The following WDFY3 variants were observed in gnomAD, a reference collection of about 807,000 sequenced individuals.
WDFY3 encodes the protein WD repeat and FYVE domain containing 3.
WDFY3 carries 66 observed loss-of-function variants against 409.6 expected under a neutral mutation model. The observed-to-expected ratio is 0.16, with a 90% CI of 0.13 to 0.20. The LOEUF (loss-of-function observed/expected upper bound fraction) is 0.20. Ranked by LOEUF, WDFY3 falls within the 10% of genes least tolerant of loss-of-function variation. WDFY3 has a pLI of 1.00. For synonymous variants in WDFY3, 1,521 were observed against 1,537.1 expected (o/e 0.99, Z 0.25); for missense variants, 3,031 against 4,298.1 (o/e 0.71, Z 8.24).
Position 84,785,502 on chromosome 4 carries a change from A to G in WDFY3, c.4062+477T>C, listed in dbSNP as rs147706043. Reference sequence around the variant, plus strand: ...CCCCTTCCCTGCTTTATTTTACTGCATAGCACCATCACCTTCTAACATACT... The same window carrying G: ...CCCCTTCCCTGCTTTATTTTACTGCGTAGCACCATCACCTTCTAACATACT... On this transcript the variant is annotated intron_variant, in intron 24 of 67. Coordinates refer to ENST00000295888, the MANE Select transcript of WDFY3 (RefSeq NM_014991.6). Among the ~76,000 whole-genome samples the G allele has an allele frequency of 4.4e-3, 668 of 152,252 alleles. 5 individuals are homozygous for G. The highest frequency in any genetic ancestry group is 0.015 in the African/African-American group (626 of 41,548).
At chr4:84,903,042 C>A (rs986805424) in intron 2 of WDFY3, among the ~76,000 whole-genome samples, 1 of 152,064 alleles carries the variant, frequency 6.6e-6, no homozygotes. Context: ...GTGCTAAAAT[C>A]AAATCACGAA....
chr4:84,676,219 GA>G (rs1005003104), intron 67 of WDFY3, among the ~76,000 whole-genome samples: 1 of 149,894 alleles, frequency 6.7e-6, no homozygotes, highest in Non-Finnish European at 1.5e-5. Flanking sequence ...ACTCCTCAAG[GA>G]AAAAAAAAGG....
chr4:84,705,295 T>G, intron 54 of WDFY3, 99 bp downstream of exon 54: 1 of 854,466 alleles, frequency 1.2e-6, no homozygotes, highest in Non-Finnish European at 1.9e-6. Flanking sequence ...ATATGATATA[T>G]AAGCAATTTG....
chr4:84,742,405 GTT>G (rs1738599250), intron 37 of WDFY3, among the ~76,000 whole-genome samples: 1 of 152,154 alleles, frequency 6.6e-6, no homozygotes, highest in South Asian at 2.1e-4. Context: ...TGAGGGGTGT[GTT>G]TAGCCCCTCC....
intron 3 of WDFY3, among the ~76,000 whole-genome samples, chr4:84,864,365 C>CAAAAAA (rs35016773): frequency 0.013 from 399 of 30,906 alleles, no homozygotes; most frequent in Middle Eastern, 0.037. Flanking sequence ...GACTCCATCT[C>CAAAAAA]AAAAAAAAAA....
Position 84,808,437 on chromosome 4 carries a change from C to T in WDFY3, c.2346-20G>A. On this transcript the variant is annotated intron_variant, in intron 14 of 67. Transcript: ENST00000295888. The stretch of plus-strand genomic sequence containing the variant: ...GCACGACTACAGACAACAAAACAGA[C>T]AGGGTGGTTTAGAGAGGTTAGAAGA... The T allele has an allele frequency of 1.2e-6, 2 of 1,611,362 alleles. No individual in the cohort carries two copies. The highest frequency in any genetic ancestry group is 1.1e-5 in the South Asian group (1 of 90,784).
At chr4:84,715,250 C>G (rs2149037099) in intron 50 of WDFY3, 48 bp downstream of exon 50, 1 of 1,045,826 alleles carries the variant, frequency 9.6e-7, no homozygotes, top group East Asian at 2.5e-5. Flanking sequence ...GATTCCCCCT[C>G]CCATATCTTC....
chr4:84,759,589 G>T (rs1193294040), intron 32 of WDFY3, among the ~76,000 whole-genome samples: 2 of 150,218 alleles, frequency 1.3e-5, no homozygotes, highest in Non-Finnish European at 3.0e-5. Context: ...GTTCACTCAT[G>T]ATTTGGCTCT....
intron 22 of WDFY3, 101 bp from the exon 23 acceptor site, chr4:84,787,814 T>C: frequency 9.4e-7 from 1 of 1,067,248 alleles, no homozygotes; most frequent in Non-Finnish European, 1.3e-6. Flanking sequence ...GTCACACAAC[T>C]TTACAAATGC....
intron 23 of WDFY3, 73 bp downstream of exon 23, chr4:84,787,409 A>G: frequency 7.1e-7 from 1 of 1,416,612 alleles, no homozygotes; most frequent in Non-Finnish European, 9.8e-7. Context: ...GTATAACCTC[A>G]GACACACACA....
At chr4:84,752,797 T>C (rs1284696781) in intron 35 of WDFY3, among the ~76,000 whole-genome samples, 1 of 152,184 alleles carries the variant, frequency 6.6e-6, no homozygotes, top group Admixed American at 6.5e-5. Flanking sequence ...TCATGAAATT[T>C]TGAAGTACTA....
chr4:84,870,786 T>C (rs1217757089), intron 3 of WDFY3, among the ~76,000 whole-genome samples: 1 of 151,782 alleles, frequency 6.6e-6, no homozygotes, highest in East Asian at 1.9e-4. Flanking sequence ...ACTTGGAAGG[T>C]CACAGCCCAG....
intron 2 of WDFY3, among the ~76,000 whole-genome samples, chr4:84,928,549 T>C (rs1422317573): frequency 6.6e-6 from 1 of 152,202 alleles, no homozygotes; most frequent in Non-Finnish European, 1.5e-5. Flanking sequence ...TGGTAAGAAC[T>C]GCTAGCTGGA....
chr4:84,886,659 AAGGAAGGG>A (rs1260774065), intron 3 of WDFY3, among the ~76,000 whole-genome samples: 2 of 152,160 alleles, frequency 1.3e-5, no homozygotes, highest in African/African-American at 4.8e-5. Flanking sequence ...AGAGGGAAGG[AAGGAAGGG>A]AGGAAGGGAA....
intron 5 of WDFY3, among the ~76,000 whole-genome samples, chr4:84,846,467 A>G (rs1758089700): frequency 6.6e-6 from 1 of 151,920 alleles, no homozygotes; most frequent in Admixed American, 6.6e-5. Flanking sequence ...TGCCCTGTGG[A>G]TGTAAAATCA....
chr4:84,966,263 G>C lies in WDFY3; in HGVS notation c.-280C>G, dbSNP rs1775742997. 6.7e-6 allele frequency: 1 copy of C among 150,310 alleles called. No homozygotes were observed. The highest frequency in any genetic ancestry group is 1.5e-5 in the Non-Finnish European group (1 of 67,514). The allele number at this position is 150,310 out of a possible 1,614,324, so 9.3% of individuals were successfully genotyped here. ...CAGGCCCAGGAGACGGGACCGCGGC[G>C]GGCCGGGGCTCCGCGCCGAGGGCGC... On this transcript the variant is annotated 5_prime_UTR_variant, in exon 1 of 68. Transcript: ENST00000295888.
rs139403525 is a variant in WDFY3 at position 84,824,901 on chromosome 4, A to C, written c.1123+1914T>G. On this transcript the variant is annotated intron_variant, in intron 10 of 67. Coordinates refer to ENST00000295888, the MANE Select transcript of WDFY3 (RefSeq NM_014991.6). Reference sequence around the variant, plus strand: ...TTATACAGGAAACTCAAAATGATGTAGCTTCACCCATTCACTTTATAGAAT... The same window carrying C: ...TTATACAGGAAACTCAAAATGATGTCGCTTCACCCATTCACTTTATAGAAT... Among the ~76,000 whole-genome samples the C allele has an allele frequency of 9.1e-4, 139 of 152,344 alleles. 2 individuals carry two copies. The highest frequency in any genetic ancestry group is 3.3e-3 in the African/African-American group (136 of 41,590).
At chr4:84,705,639 A>T (rs578201746) in intron 53 of WDFY3, 128 bp from the exon 54 acceptor site, 2 of 732,888 alleles carry the variant, frequency 2.7e-6, no homozygotes, top group East Asian at 5.0e-5. Context: ...TCAAACTGGT[A>T]TAACTGGACT....
intron 36 of WDFY3, among the ~76,000 whole-genome samples, chr4:84,744,233 G>A (rs925161359): frequency 1.3e-5 from 2 of 151,156 alleles, no homozygotes; most frequent in African/African-American, 4.8e-5. Context: ...AAAGAGATAT[G>A]GTGGTTTACA....
Sources: allele counts gnomAD v4.1 joint callset (sites outside exome capture counted in the v4.1 genomes callset), GRCh38; gene constraint gnomAD v4.1.1; transcripts MANE v1.5; gene names NCBI Gene and HGNC (gene_info 2026-07-23, HGNC 2026-07-21).